The following RNGTT variants were observed in gnomAD, a reference collection of about 807,000 sequenced individuals.
RNGTT encodes the protein RNA guanylyltransferase and 5'-phosphatase, also known as mRNA-capping enzyme.
In RNGTT, 33 loss-of-function variants were observed where a neutral mutation model predicts 79.3. The ratio of observed to expected loss-of-function variants is 0.42; its 90% CI spans 0.32 to 0.56. The LOEUF is 0.56. Among genes scored for constraint, RNGTT ranks in the 20% least tolerant of loss-of-function variants. RNGTT has a pLI of 0.17. For synonymous variants in RNGTT, 222 were observed against 235.9 expected (o/e 0.94, Z 0.54); for missense variants, 497 against 739.1 (o/e 0.67, Z 3.80).
chr6:88,683,844 G>A (rs1185701685), intron 13 of RNGTT, among the ~76,000 whole-genome samples: 8 of 151,846 alleles, frequency 5.3e-5, no homozygotes, highest in Non-Finnish European at 1.0e-4. Context: ...GCAAGACTTC[G>A]TCTCTACAAA....
chr6:88,751,169 T>C (rs1326927588), intron 13 of RNGTT, among the ~76,000 whole-genome samples: 2 of 152,166 alleles, frequency 1.3e-5, no homozygotes, highest in Non-Finnish European at 2.9e-5. Context: ...TTCCATAAAA[T>C]AGATTCTGAA....
At chr6:88,649,667 C>T (rs187891945) in intron 14 of RNGTT, among the ~76,000 whole-genome samples, 241 of 151,486 alleles carry the variant, frequency 1.6e-3, no homozygotes, top group Non-Finnish European at 7.7e-4. Context: ...ACTGCACTCC[C>T]GCCTGGGTGA....
chr6:88,774,357 A>G (rs1020350090), intron 12 of RNGTT, among the ~76,000 whole-genome samples: 6 of 152,194 alleles, frequency 3.9e-5, no homozygotes, highest in African/African-American at 1.4e-4. Flanking sequence ...AAATCAGAAC[A>G]TGCACATTGC....
chr6:88,943,356 A>G (rs778673398), intron 1 of RNGTT, among the ~76,000 whole-genome samples: 3 of 152,170 alleles, frequency 2.0e-5, no homozygotes, highest in African/African-American at 7.2e-5. Flanking sequence ...ATCCTTGCCT[A>G]TTCTCCTTTT....
intron 1 of RNGTT, among the ~76,000 whole-genome samples, chr6:88,946,838 G>T (rs1188087364): frequency 7.0e-6 from 1 of 141,902 alleles, no homozygotes; most frequent in African/African-American, 2.6e-5. Context: ...TGGAGATGGG[G>T]TTTCGCTGTG....
At chr6:88,768,639 T>G (rs1236787867) in intron 13 of RNGTT, among the ~76,000 whole-genome samples, 1 of 152,244 alleles carries the variant, frequency 6.6e-6, no homozygotes, top group Non-Finnish European at 1.5e-5. Context: ...TTTCACAGGA[T>G]GCACTGGTAA....
chr6:88,629,156 G>A (rs553579467), intron 14 of RNGTT, among the ~76,000 whole-genome samples: 3 of 152,090 alleles, frequency 2.0e-5, no homozygotes, highest in Admixed American at 6.6e-5. Context: ...ACAAGAAGAC[G>A]AAGAAAGTTC....
chr6:88,930,059 T>C (rs1784457392), intron 2 of RNGTT, among the ~76,000 whole-genome samples: 1 of 148,482 alleles, frequency 6.7e-6, no homozygotes, highest in Non-Finnish European at 1.5e-5. Flanking sequence ...CATATACATG[T>C]ATATGCATAT....
intron 13 of RNGTT, among the ~76,000 whole-genome samples, chr6:88,698,560 G>T (rs748243995): frequency 1.3e-5 from 2 of 151,282 alleles, no homozygotes; most frequent in Admixed American, 1.3e-4. Context: ...TTTTTACTTA[G>T]CTGAGTATCT....
intron 14 of RNGTT, among the ~76,000 whole-genome samples, chr6:88,672,659 C>T (rs1316282279): frequency 6.6e-6 from 1 of 152,136 alleles, no homozygotes; most frequent in Non-Finnish European, 1.5e-5. Context: ...CACTAAAGAA[C>T]TTATCTATGT....
intron 12 of RNGTT, among the ~76,000 whole-genome samples, chr6:88,775,275 A>G (rs1307319028): frequency 1.3e-5 from 2 of 152,120 alleles, no homozygotes; most frequent in Non-Finnish European, 2.9e-5. Flanking sequence ...CTCTTGGCAA[A>G]CTTCCAGTAT....
chr6:88,892,306 T>C (rs1427233889), intron 6 of RNGTT, among the ~76,000 whole-genome samples: 3 of 152,232 alleles, frequency 2.0e-5, no homozygotes, highest in East Asian at 1.9e-4. Flanking sequence ...AAAGATTTTA[T>C]GTAAATCAAG....
chr6:88,761,587 G>A (rs1778258283), intron 13 of RNGTT, among the ~76,000 whole-genome samples: 1 of 152,072 alleles, frequency 6.6e-6, no homozygotes, highest in African/African-American at 2.4e-5. Context: ...CTACAACCAT[G>A]TACAGTACTG....
chr6:88,906,075 A>G (rs983178158), intron 5 of RNGTT, among the ~76,000 whole-genome samples: 17 of 152,152 alleles, frequency 1.1e-4, no homozygotes, highest in South Asian at 2.1e-4. Context: ...TGATCCCAAG[A>G]GGTGAATGCT....
chr6:88,637,077 A>G (rs1229305411), intron 14 of RNGTT, among the ~76,000 whole-genome samples: 1 of 152,106 alleles, frequency 6.6e-6, no homozygotes, highest in East Asian at 1.9e-4. Context: ...CTGGGACTGA[A>G]TGAGTTAACA....
intron 11 of RNGTT, among the ~76,000 whole-genome samples, chr6:88,802,033 GATAAAAGGAATAAAAA>G (rs1054001084): frequency 6.6e-6 from 1 of 152,214 alleles, no homozygotes; most frequent in Admixed American, 6.5e-5. Flanking sequence ...GAAAGTAATA[GATAAAAGGAATAAAAA>G]ATAAACACAC....
intron 1 of RNGTT, among the ~76,000 whole-genome samples, chr6:88,949,344 T>C (rs2127962991): frequency 7.1e-6 from 1 of 140,222 alleles, no homozygotes; most frequent in East Asian, 2.3e-4. Context: ...CACTACAACC[T>C]CTATCCACCT....
chr6:88,784,215 T>C (rs1286079157), intron 12 of RNGTT, among the ~76,000 whole-genome samples: 2 of 152,182 alleles, frequency 1.3e-5, no homozygotes, highest in East Asian at 1.9e-4. Flanking sequence ...GACATTCAGA[T>C]TGCCCACACG....
intron 13 of RNGTT, among the ~76,000 whole-genome samples, chr6:88,691,074 C>G (rs1775461179): frequency 6.6e-6 from 1 of 152,166 alleles, no homozygotes; most frequent in South Asian, 2.1e-4. Flanking sequence ...TGTCCCCGCC[C>G]AAATCTCATG....
Sources: allele counts gnomAD v4.1 joint callset (sites outside exome capture counted in the v4.1 genomes callset), GRCh38; gene constraint gnomAD v4.1.1; transcripts MANE v1.5; gene names NCBI Gene and HGNC (gene_info 2026-07-23, HGNC 2026-07-21).